The following WDR72 variants were observed in gnomAD, a reference collection of about 807,000 sequenced individuals.
WDR72 encodes WD repeat domain 72, also known as WD repeat-containing protein 72.
Under a neutral mutation model 124.2 loss-of-function variants are expected in WDR72, and 120 were observed. The ratio of observed to expected loss-of-function variants is 0.97; its 90% confidence interval spans 0.83 to 1.12. The LOEUF is 1.12. WDR72 is among the 50% of genes most tolerant of loss of function. The probability of loss-of-function intolerance (pLI) is 0.00; values close to 1 mark genes in which losing one functional copy is unlikely to be tolerated. For missense variants in WDR72, 1,387 were observed against 1,278.8 expected, an observed-to-expected ratio of 1.08 and a Z score of -1.29; for synonymous variants, 452 against 441.7, an observed-to-expected ratio of 1.02 and a Z score of -0.29.
At chr15:53,551,121 T>C (rs901094129) in intron 18 of WDR72, among the ~76,000 whole-genome samples, 1 of 152,028 alleles carries the variant, frequency 6.6e-6, no homozygotes. Context: ...GTTAAATGGG[T>C]GTCACTTGAA....
At chr15:53,632,770 G>T (rs2014480768) in intron 14 of WDR72, among the ~76,000 whole-genome samples, 1 of 152,254 alleles carries the variant, frequency 6.6e-6, no homozygotes, top group South Asian at 2.1e-4. Flanking sequence ...GGAGCTTTAA[G>T]ATTTAATGAC....
At chr15:53,648,634 C>G (rs970119072) in intron 14 of WDR72, among the ~76,000 whole-genome samples, 1 of 151,944 alleles carries the variant, frequency 6.6e-6, no homozygotes, top group Non-Finnish European at 1.5e-5. Flanking sequence ...ATTCACATAA[C>G]GAATAACCAA....
intron 18 of WDR72, among the ~76,000 whole-genome samples, chr15:53,538,470 G>A (rs1488605309): frequency 6.6e-6 from 1 of 152,132 alleles, no homozygotes; most frequent in African/African-American, 2.4e-5. Flanking sequence ...TCATTTGACG[G>A]TGTATACATC....
Position 53,523,336 on chromosome 15 carries a change from G to C in WDR72, c.3149-14C>G. The C allele has an allele frequency of 6.3e-7, 1 of 1,597,708 alleles. No homozygotes were observed. Among genetic ancestry groups the C allele is most frequent in the South Asian group, 1.1e-5 (1 of 89,856 alleles). ...GGCTGACTGGAGCTATTAAAAGAGA[G>C]AGAGAGAGAGAGAGAGACAGAAGAG... On this transcript the variant is annotated splice_polypyrimidine_tract_variant and intron_variant, in intron 18 of 19. Coordinates refer to ENST00000360509, the MANE Select transcript of WDR72 (RefSeq NM_182758.4).
At chr15:53,730,159 A>G (rs1207253493) in intron 2 of WDR72, among the ~76,000 whole-genome samples, 1 of 152,190 alleles carries the variant, frequency 6.6e-6, no homozygotes, top group African/African-American at 2.4e-5. Flanking sequence ...AATGTGGTAT[A>G]TATATACAGT....
At chr15:53,526,838 T>G (rs1892146712) in intron 18 of WDR72, among the ~76,000 whole-genome samples, 2 of 152,066 alleles carry the variant, frequency 1.3e-5, no homozygotes, top group Admixed American at 1.3e-4. Flanking sequence ...CTGTAATGGA[T>G]TCTGAAATAG....
At chr15:53,746,412 C>CTTG in intron 1 of WDR72, among the ~76,000 whole-genome samples, 1 of 152,204 alleles carries the variant, frequency 6.6e-6, no homozygotes, top group Admixed American at 6.5e-5. Flanking sequence ...GAGGACAGCC[C>CTTG]ACTAGAAACA....
At chr15:53,541,699 T>C (rs1224722270) in intron 18 of WDR72, among the ~76,000 whole-genome samples, 4 of 150,276 alleles carry the variant, frequency 2.7e-5, no homozygotes, top group Admixed American at 2.6e-4. Context: ...TACTCTGAGC[T>C]ATGGGAGGAC....
chr15:53,591,248 T>G (rs1300869226), intron 18 of WDR72, among the ~76,000 whole-genome samples: 2 of 152,084 alleles, frequency 1.3e-5, no homozygotes, highest in Non-Finnish European at 2.9e-5. Flanking sequence ...GATTCTAGTT[T>G]GTATCCTCAG....
chr15:53,552,085 G>A lies in WDR72; in HGVS notation c.3149-28763C>T, dbSNP rs1893752024. On this transcript the variant is annotated intron_variant, in intron 18 of 19. Transcript: ENST00000360509. The stretch of plus-strand genomic sequence containing the variant: ...TGCCTTGCAAGTGTCACCTGACACT[G>A]ACATTTTTAGACTATCCTCAACTGA... Among the ~76,000 whole-genome samples the A allele has an allele frequency of 2.6e-5, 4 of 151,888 alleles. No individual in the cohort carries two copies. The South Asian group carries it at 8.3e-4, about 31-fold the overall frequency.
intron 14 of WDR72, among the ~76,000 whole-genome samples, chr15:53,641,682 G>A (rs1047176544): frequency 6.6e-6 from 1 of 151,694 alleles, no homozygotes; most frequent in African/African-American, 2.4e-5. Context: ...GTTTCATATG[G>A]CTCTTGCATA....
intron 18 of WDR72, among the ~76,000 whole-genome samples, chr15:53,574,918 C>T (rs1233399943): frequency 2.0e-5 from 3 of 151,596 alleles, no homozygotes; most frequent in East Asian, 1.9e-4. Context: ...AAACAACTCC[C>T]GTACCAAGCC....
At chr15:53,716,499 T>C in intron 4 of WDR72, 108 bp downstream of exon 4, 1 of 835,976 alleles carries the variant, frequency 1.2e-6, no homozygotes, top group South Asian at 1.4e-5. Flanking sequence ...AAAATAAAAA[T>C]TCAAGCAAAG....
chr15:53,522,871 CTT>C (rs1891879326), intron 19 of WDR72, among the ~76,000 whole-genome samples: 1 of 152,056 alleles, frequency 6.6e-6, no homozygotes, highest in Non-Finnish European at 1.5e-5. Flanking sequence ...CCGCTCCCCT[CTT>C]GTTAGTTTCC....
chr15:53,681,858 A>G (rs1343130390), intron 13 of WDR72, among the ~76,000 whole-genome samples: 4 of 152,096 alleles, frequency 2.6e-5, no homozygotes, highest in Non-Finnish European at 5.9e-5. Context: ...CACATCCACA[A>G]ATACCTGTGT....
At chr15:53,631,284 T>G (rs768689237) in intron 14 of WDR72, among the ~76,000 whole-genome samples, 8 of 152,178 alleles carry the variant, frequency 5.3e-5, no homozygotes, top group Admixed American at 1.3e-4. Flanking sequence ...AGTCCTGCTT[T>G]CCCTTTGCCT....
intron 13 of WDR72, among the ~76,000 whole-genome samples, chr15:53,688,227 A>C (rs572806314): frequency 6.7e-6 from 1 of 150,302 alleles, no homozygotes; most frequent in South Asian, 2.1e-4. Context: ...ATTAGGCAGG[A>C]GAAGGAAAGA....
At chr15:53,680,364 T>C (rs1200494135) in intron 13 of WDR72, among the ~76,000 whole-genome samples, 3 of 152,220 alleles carry the variant, frequency 2.0e-5, no homozygotes, top group Admixed American at 6.5e-5. Flanking sequence ...CACAAGTTTC[T>C]TTACACAATT....
intron 1 of WDR72, among the ~76,000 whole-genome samples, chr15:53,736,998 A>AAC (rs67659814): frequency 0.049 from 6,981 of 141,040 alleles, 183 homozygotes; most frequent in South Asian, 0.077. Context: ...GTAGATGTAA[A>AAC]ACACACACAC....
Sources: allele counts gnomAD v4.1 joint callset (sites outside exome capture counted in the v4.1 genomes callset), GRCh38; gene constraint gnomAD v4.1.1; transcripts MANE v1.5; gene names NCBI Gene and HGNC (gene_info 2026-07-23, HGNC 2026-07-21).